The following CLRN1 variants were observed in gnomAD, a reference collection of about 807,000 sequenced individuals.
CLRN1 encodes the protein clarin 1.
In CLRN1, 15 loss-of-function variants were observed where a neutral mutation model predicts 18.7. The ratio of observed to expected loss-of-function variants is 0.80; its 90% CI spans 0.54 to 1.23. The LOEUF is 1.23. CLRN1 is among the 50% of genes most tolerant of loss of function. CLRN1 has a pLI of 0.00. For missense variants in CLRN1, 311 were observed against 277.5 expected, an observed-to-expected ratio of 1.12 and a Z score of -0.86; for synonymous variants, 104 against 102.9, an observed-to-expected ratio of 1.01 and a Z score of -0.07.
intron 1 of CLRN1, among the ~76,000 whole-genome samples, chr3:150,969,111 G>GAA (rs113531568): frequency 7.3e-6 from 1 of 136,732 alleles, no homozygotes; most frequent in African/African-American, 2.7e-5. Flanking sequence ...ACAGCGTCAA[G>GAA]AAAAAAAAAA....
intron 2 of CLRN1, among the ~76,000 whole-genome samples, chr3:150,938,218 A>G (rs926457055): frequency 7.2e-5 from 11 of 152,282 alleles, no homozygotes; most frequent in African/African-American, 2.6e-4. Flanking sequence ...TTGGCAAGAG[A>G]AACAAGGGAA....
chr3:150,948,735 A>C (rs955778867), intron 1 of CLRN1, among the ~76,000 whole-genome samples: 23 of 152,170 alleles, frequency 1.5e-4, no homozygotes, highest in African/African-American at 5.5e-4. Context: ...CCAACTAAAA[A>C]ATCCCAGGAC....
chr3:150,942,958 G>T (rs1713944849), intron 1 of CLRN1, among the ~76,000 whole-genome samples: 1 of 152,138 alleles, frequency 6.6e-6, no homozygotes, highest in African/African-American at 2.4e-5. Context: ...GAGAAAGGCT[G>T]CCTGGAGGAG....
At chr3:150,935,254 A>G (rs1036052742) in intron 2 of CLRN1, among the ~76,000 whole-genome samples, 9 of 149,928 alleles carry the variant, frequency 6.0e-5, no homozygotes, top group African/African-American at 2.2e-4. Context: ...ATAACTCGTC[A>G]TTTAGCATTA....
intron 1 of CLRN1, among the ~76,000 whole-genome samples, chr3:150,956,549 C>A (rs1013758524): frequency 6.6e-6 from 1 of 152,238 alleles, no homozygotes; most frequent in African/African-American, 2.4e-5. Context: ...CCTTGGCATG[C>A]AGAGAGAGGC....
chr3:150,949,049 C>T (rs962882308), intron 1 of CLRN1, among the ~76,000 whole-genome samples: 8 of 152,094 alleles, frequency 5.3e-5, no homozygotes, highest in African/African-American at 1.4e-4. Context: ...CAAGGTTGGT[C>T]CAACATAAGG....
At chr3:150,963,799 A>G (rs1349335004) in intron 1 of CLRN1, among the ~76,000 whole-genome samples, 1 of 152,242 alleles carries the variant, frequency 6.6e-6, no homozygotes, top group African/African-American at 2.4e-5. Context: ...AACCTGACAA[A>G]AACAAGCAAC....
intron 1 of CLRN1, among the ~76,000 whole-genome samples, chr3:150,956,785 T>G (rs540245267): frequency 6.6e-6 from 1 of 152,282 alleles, no homozygotes; most frequent in South Asian, 2.1e-4. Context: ...GGGCCCACAT[T>G]CTGCAAAGCC....
intron 1 of CLRN1, among the ~76,000 whole-genome samples, chr3:150,952,425 AC>A (rs897169648): frequency 6.6e-6 from 1 of 152,202 alleles, no homozygotes; most frequent in Non-Finnish European, 1.5e-5. Flanking sequence ...CGTCCTGAGC[AC>A]ATTTAACGTA....
chr3:150,946,417 G>A (rs1292358249), intron 1 of CLRN1, among the ~76,000 whole-genome samples: 1 of 152,116 alleles, frequency 6.6e-6, no homozygotes, highest in Non-Finnish European at 1.5e-5. Context: ...GTGTGTCTAG[G>A]CAGAGACTAT....
chr3:150,938,555 A>C (rs1372563127), intron 2 of CLRN1, among the ~76,000 whole-genome samples: 2 of 152,142 alleles, frequency 1.3e-5, no homozygotes, highest in Non-Finnish European at 2.9e-5. Context: ...CTGCCAGTCC[A>C]TCTGACCCTC....
At chr3:150,934,483 A>G (rs1713338962) in intron 2 of CLRN1, among the ~76,000 whole-genome samples, 2 of 152,196 alleles carry the variant, frequency 1.3e-5, no homozygotes, top group African/African-American at 2.4e-5. Flanking sequence ...AACAAATACA[A>G]TTTGCAATAA....
chr3:150,946,970 A>G (rs1714211113), intron 1 of CLRN1, among the ~76,000 whole-genome samples: 1 of 143,914 alleles, frequency 6.9e-6, no homozygotes, highest in Admixed American at 7.3e-5. Flanking sequence ...ATTTGAACAG[A>G]CCATTTCTAA....
At chr3:150,940,163 G>C (rs1309345989) in intron 2 of CLRN1, among the ~76,000 whole-genome samples, 1 of 152,168 alleles carries the variant, frequency 6.6e-6, no homozygotes. Context: ...GATGTAAAAG[G>C]CTTAGACTCT....
intron 1 of CLRN1, among the ~76,000 whole-genome samples, chr3:150,947,304 A>G (rs556723385): frequency 6.6e-6 from 1 of 152,272 alleles, no homozygotes; most frequent in Non-Finnish European, 1.5e-5. Context: ...AAAAAAAAAG[A>G]CAAAGAAGGG....
intron 2 of CLRN1, among the ~76,000 whole-genome samples, chr3:150,935,563 G>T (rs1223237998): frequency 1.3e-5 from 2 of 150,220 alleles, no homozygotes; most frequent in Non-Finnish European, 3.0e-5. Context: ...ATTTAGGTTG[G>T]TTCCAAGTCT....
intron 1 of CLRN1, among the ~76,000 whole-genome samples, chr3:150,965,294 T>A (rs989093768): frequency 6.6e-6 from 1 of 152,128 alleles, no homozygotes; most frequent in Non-Finnish European, 1.5e-5. Context: ...TCATAATATG[T>A]CCCATGTAAG....
intron 1 of CLRN1, among the ~76,000 whole-genome samples, chr3:150,948,483 C>CAAAAAAAA (rs55846714): frequency 5.5e-5 from 3 of 54,374 alleles, no homozygotes; most frequent in African/African-American, 1.9e-4. Flanking sequence ...GACTCCGTCT[C>CAAAAAAAA]AAAAAAAAAA....
At chr3:150,928,228 G>A (rs1195468638) in intron 2 of CLRN1, 27 bp from the exon 3 acceptor site, 1 of 1,613,186 alleles carries the variant, frequency 6.2e-7, no homozygotes, top group Non-Finnish European at 8.5e-7. Flanking sequence ...AAGGTGTTGG[G>A]ACAAATATTT....
Sources: gnomAD v4.1 joint callset for allele counts (sites outside exome capture counted in the v4.1 genomes callset) on GRCh38, gnomAD v4.1.1 for gene constraint, MANE v1.5 for transcripts, NCBI Gene and HGNC (gene_info 2026-07-23, HGNC 2026-07-21) for gene names.